ADAMTS9: variants seen among roughly 807,000 people sequenced by gnomAD.
The protein encoded by ADAMTS9 is ADAM metallopeptidase with thrombospondin type 1 motif 9, also known as A disintegrin and metalloproteinase with thrombospondin motifs 9.
Under a neutral mutation model 257.1 loss-of-function variants are expected in ADAMTS9, and 107 were observed. That is an observed-to-expected ratio of 0.42 (90% confidence interval 0.36 to 0.49). The LOEUF (loss-of-function observed/expected upper bound fraction) is 0.49, where lower values mean the gene tolerates loss of function less well. Ranked by LOEUF, ADAMTS9 falls within the 20% of genes least tolerant of loss-of-function variation. The probability of loss-of-function intolerance (pLI) is 0.03; values close to 1 mark genes in which losing one functional copy is unlikely to be tolerated. For synonymous variants in ADAMTS9, 982 were observed against 880.9 expected (o/e 1.11, Z -2.03); for missense variants, 2,353 against 2,469.1 (o/e 0.95, Z 1.00).
intron 3 of ADAMTS9, 37 bp from the exon 4 acceptor site, chr3:64,658,828 C>T: frequency 6.4e-7 from 1 of 1,559,590 alleles, no homozygotes; most frequent in Non-Finnish European, 8.7e-7. Flanking sequence ...ACATTTCAAG[C>T]CACATCTATT....
chr3:64,526,511 C>A (rs2082912255), intron 38 of ADAMTS9, among the ~76,000 whole-genome samples: 1 of 152,178 alleles, frequency 6.6e-6, no homozygotes, highest in Non-Finnish European at 1.5e-5. Context: ...GCCCATACCA[C>A]CAGCAACTGA....
At chr3:64,606,840 C>T (rs2084564118) in intron 23 of ADAMTS9, 120 bp downstream of exon 23, 2 of 1,231,806 alleles carry the variant, frequency 1.6e-6, no homozygotes, top group African/African-American at 1.5e-5. Flanking sequence ...ACAAATTAAT[C>T]TACTGGTTGC....
chr3:64,656,069 A>G lies in ADAMTS9; in HGVS notation c.970-194T>C. On this transcript the variant is annotated intron_variant, in intron 4 of 39. Coordinates refer to ENST00000498707, the MANE Select transcript of ADAMTS9 (RefSeq NM_182920.2). ...TAAAATTCATAGATCACAGTTTTAG[A>G]TAACAGTGAATTCAAACAAATTTAA... 6.2e-6 allele frequency: 3 copies of G among 484,444 alleles called. No homozygotes were observed. The South Asian group carries it at 1.1e-4, about 19-fold the overall frequency. The allele number at this position is 484,444 out of a possible 1,614,324, so 30.0% of individuals were successfully genotyped here.
intron 12 of ADAMTS9, among the ~76,000 whole-genome samples, chr3:64,638,997 G>A (rs1430598092): frequency 6.6e-6 from 1 of 152,066 alleles, no homozygotes; most frequent in Non-Finnish European, 1.5e-5. Flanking sequence ...CCAGTGAGGG[G>A]GGCAGCTGTT....
intron 22 of ADAMTS9, among the ~76,000 whole-genome samples, chr3:64,609,759 T>C (rs1434567908): frequency 1.3e-5 from 2 of 152,184 alleles, no homozygotes; most frequent in East Asian, 3.8e-4. Flanking sequence ...AATAGCATTT[T>C]TGCAGAAATG....
chr3:64,588,421 T>A (rs1160712522), intron 28 of ADAMTS9: 1 of 142,664 alleles, frequency 7.0e-6, no homozygotes, highest in Non-Finnish European at 1.5e-5. Context: ...AAAAATTGAT[T>A]TTTTTTTTTT....
chr3:64,671,323 G>A (rs1701479591), intron 3 of ADAMTS9, among the ~76,000 whole-genome samples: 1 of 152,062 alleles, frequency 6.6e-6, no homozygotes, highest in Non-Finnish European at 1.5e-5. Context: ...TGGGGAGAGG[G>A]GCTGATTACA....
At chr3:64,528,293 T>A (rs1449077838) in intron 38 of ADAMTS9, among the ~76,000 whole-genome samples, 3 of 152,142 alleles carry the variant, frequency 2.0e-5, no homozygotes, top group African/African-American at 7.2e-5. Context: ...TGTGGTGGAA[T>A]TCTGGGTGGG....
rs368382773 is a variant in ADAMTS9, at chr3:64,561,769, G to C, written c.4525-18C>G. On this transcript the variant is annotated intron_variant, in intron 29 of 39. Coordinates refer to ENST00000498707, the MANE Select transcript of ADAMTS9 (RefSeq NM_182920.2). Reference sequence around the variant, plus strand: ...ACAGAGCACTAAGAAGACAGAGAACGTAAGTGGGAGCTTCGGCTCATTTAT... The same window carrying C: ...ACAGAGCACTAAGAAGACAGAGAACCTAAGTGGGAGCTTCGGCTCATTTAT... 1.0e-4 allele frequency: 102 copies of C among 994,062 alleles called. No homozygotes were observed. The highest frequency in any genetic ancestry group is 1.9e-4 in the East Asian group (4 of 21,290). The allele number at this position is 994,062 out of a possible 1,614,324, so 61.6% of individuals were successfully genotyped here. A position where few individuals can be genotyped will look rare whatever the true frequency, so the allele number is the denominator to read the frequency against.
intron 29 of ADAMTS9, among the ~76,000 whole-genome samples, chr3:64,564,656 C>G (rs941529693): frequency 6.6e-6 from 1 of 151,856 alleles, no homozygotes; most frequent in African/African-American, 2.4e-5. Flanking sequence ...GAAAGTTTAG[C>G]AGCATACCTG....
chr3:64,662,989 G>C (rs1701261514), intron 3 of ADAMTS9, among the ~76,000 whole-genome samples: 1 of 152,080 alleles, frequency 6.6e-6, no homozygotes, highest in Non-Finnish European at 1.5e-5. Context: ...TATATGTTTA[G>C]ACTTGGGTTC....
intron 26 of ADAMTS9, among the ~76,000 whole-genome samples, chr3:64,599,292 T>C (rs963547265): frequency 6.6e-6 from 1 of 152,242 alleles, no homozygotes; most frequent in Non-Finnish European, 1.5e-5. Flanking sequence ...AGACTTTCAG[T>C]CTGGACTTTT....
intron 3 of ADAMTS9, among the ~76,000 whole-genome samples, chr3:64,661,329 T>C (rs1701217272): frequency 7.1e-6 from 1 of 140,336 alleles, no homozygotes; most frequent in Non-Finnish European, 1.5e-5. Flanking sequence ...AATATATGCA[T>C]ACCAGGACCA....
At chr3:64,555,441 C>T (rs964036467) in intron 30 of ADAMTS9, among the ~76,000 whole-genome samples, 2 of 152,116 alleles carry the variant, frequency 1.3e-5, no homozygotes, top group Admixed American at 6.5e-5. Flanking sequence ...CCCCGGGAGG[C>T]AGCCTCCATG....
In ADAMTS9 at chr3:64,526,398, A is replaced by G. The variant is rs141448219; in HGVS notation, c.5719-4138T>C. ...ATAAAATAGTTTCTCTTAATTCTTA[A>G]AAATTCGTAGGCATTTGATGATGAA... is the stretch of plus-strand genomic sequence containing the variant. On this transcript the variant is annotated intron_variant, in intron 38 of 39. Coordinates refer to ENST00000498707, the MANE Select transcript of ADAMTS9 (RefSeq NM_182920.2). Among the ~76,000 whole-genome samples the G allele has an allele frequency of 1.2e-3, 188 of 152,312 alleles. 1 individual carries two copies. The highest frequency in any genetic ancestry group is 4.2e-3 in the African/African-American group (174 of 41,578).
intron 4 of ADAMTS9, 78 bp from the exon 5 acceptor site, chr3:64,655,953 T>C: frequency 1.2e-6 from 1 of 863,014 alleles, no homozygotes. Flanking sequence ...TACGTTGGGC[T>C]CCACCTCTTT....
intron 8 of ADAMTS9, among the ~76,000 whole-genome samples, chr3:64,653,476 G>C (rs905478977): frequency 1.3e-5 from 2 of 152,074 alleles, no homozygotes; most frequent in African/African-American, 2.4e-5. Flanking sequence ...AGCTAAATTG[G>C]AGACACCTGT....
At chr3:64,623,179 G>A (rs1700148711) in intron 16 of ADAMTS9, among the ~76,000 whole-genome samples, 1 of 152,128 alleles carries the variant, frequency 6.6e-6, no homozygotes. Flanking sequence ...CACACTATGT[G>A]TCATCCCCTC....
At chr3:64,622,357 C>G in intron 17 of ADAMTS9, 30 bp from the exon 18 acceptor site, 2 of 1,612,812 alleles carry the variant, frequency 1.2e-6, no homozygotes, top group South Asian at 2.2e-5. Context: ...CAGAAACGAA[C>G]TGGGTGGGCT....
Sources: gnomAD v4.1 joint callset for allele counts (sites outside exome capture counted in the v4.1 genomes callset) on GRCh38, gnomAD v4.1.1 for gene constraint, MANE v1.5 for transcripts, NCBI Gene and HGNC (gene_info 2026-07-23, HGNC 2026-07-21) for gene names.